PIK3C2G: variants seen among roughly 807,000 people sequenced by gnomAD.
PIK3C2G encodes phosphatidylinositol-4-phosphate 3-kinase catalytic subunit type 2 gamma.
PIK3C2G carries 168 observed loss-of-function variants against 181.1 expected under a neutral mutation model. The observed-to-expected ratio is 0.93, with a 90% CI of 0.82 to 1.05. The LOEUF (loss-of-function observed/expected upper bound fraction) is 1.05, where lower values mean the gene tolerates loss of function less well. Ranked by LOEUF, PIK3C2G falls within the 50% of genes least tolerant of loss-of-function variation. The probability of loss-of-function intolerance (pLI) is 0.00; values close to 1 mark genes in which losing one functional copy is unlikely to be tolerated. For synonymous variants in PIK3C2G, 573 were observed against 592.2 expected (o/e 0.97, Z 0.47); for missense variants, 1,869 against 1,732.8 (o/e 1.08, Z -1.40).
chr12:18,342,065 C>A (rs867910660), intron 9 of PIK3C2G, among the ~76,000 whole-genome samples: 1 of 152,170 alleles, frequency 6.6e-6, no homozygotes, highest in South Asian at 2.1e-4. Context: ...AGGCGAACCA[C>A]GAAGTGAAAA....
At chr12:18,724,814 G>A in the PIK3C2G span, among the ~76,000 whole-genome samples, 15 of 152,044 alleles carry the variant, frequency 9.9e-5, no homozygotes, top group Admixed American at 2.6e-4. Flanking sequence ...AAATGTGCCC[G>A]TAATCCCTGA....
intron 31 of PIK3C2G, among the ~76,000 whole-genome samples, chr12:18,636,935 T>C (rs184870973): frequency 5.9e-4 from 90 of 152,314 alleles, no homozygotes; most frequent in African/African-American, 2.1e-3. Context: ...GAGGGCTCTG[T>C]GAGCTGCTAT....
chr12:18,346,789 C>A lies in PIK3C2G; in HGVS notation c.1578C>A (p.Ser526Arg). Residue 526 changes from serine to arginine, a missense_variant, in exon 11 of 33, where the codon AGC (serine) becomes AGA (arginine). Physicochemically the swap from Ser to Arg is moderately radical, Grantham distance 110. Coordinates refer to ENST00000538779, the MANE Select transcript of PIK3C2G (RefSeq NM_001288772.2). Reference sequence around the variant, plus strand: ...ATCCCGGGCTTCCTTCCCACCTCAGCTTCACAGTGTATGCAGCACACAACA... The same window carrying A: ...ATCCCGGGCTTCCTTCCCACCTCAGATTCACAGTGTATGCAGCACACAACA... ...YLNPGLPSHL[S>R]FTVYAAHNIP... 6.2e-7 allele frequency: 1 copy of A among 1,613,680 alleles called. No individual in the cohort carries two copies. The highest frequency in any genetic ancestry group is 1.3e-5 in the African/African-American group (1 of 75,038).
the PIK3C2G span, chr12:18,696,104 A>T: frequency 9.5e-7 from 1 of 1,050,750 alleles, no homozygotes; most frequent in Non-Finnish European, 1.4e-6. Flanking sequence ...AAATGAATTC[A>T]TTTTATGTTA....
chr12:18,542,794 T>C (rs1226601820), intron 25 of PIK3C2G, among the ~76,000 whole-genome samples: 1 of 152,010 alleles, frequency 6.6e-6, no homozygotes, highest in African/African-American at 2.4e-5. Flanking sequence ...CACATTTTCT[T>C]AATCCAATCT....
intron 26 of PIK3C2G, among the ~76,000 whole-genome samples, chr12:18,549,657 G>A (rs919458650): frequency 3.3e-5 from 5 of 151,944 alleles, no homozygotes; most frequent in African/African-American, 9.7e-5. Context: ...CAGAGCCTGC[G>A]TTGGCTGAAG....
At chr12:18,420,679 A>G (rs1157087836) in intron 16 of PIK3C2G, among the ~76,000 whole-genome samples, 1 of 152,114 alleles carries the variant, frequency 6.6e-6, no homozygotes, top group East Asian at 1.9e-4. Flanking sequence ...TCCACATTTT[A>G]TAGATAAGAA....
the PIK3C2G span, among the ~76,000 whole-genome samples, chr12:18,680,657 G>T: frequency 6.6e-6 from 1 of 152,040 alleles, no homozygotes; most frequent in African/African-American, 2.4e-5. Flanking sequence ...GATAATGGAA[G>T]AAGTCAGAAT....
chr12:18,297,194 C>T (rs1021044416), intron 5 of PIK3C2G, among the ~76,000 whole-genome samples: 5 of 152,028 alleles, frequency 3.3e-5, no homozygotes, highest in African/African-American at 9.7e-5. Flanking sequence ...GTACCTTCAC[C>T]TATACTTGTA....
intron 28 of PIK3C2G, among the ~76,000 whole-genome samples, chr12:18,564,511 T>G (rs1035553807): frequency 6.6e-6 from 1 of 151,586 alleles, no homozygotes; most frequent in Non-Finnish European, 1.5e-5. Context: ...TAGGGAGATA[T>G]TGCACAATAT....
intron 1 of PIK3C2G, among the ~76,000 whole-genome samples, chr12:18,272,827 T>C (rs1948799972): frequency 1.3e-5 from 2 of 152,178 alleles, no homozygotes; most frequent in African/African-American, 4.8e-5. Context: ...GTATACATTA[T>C]CTGCCCAAAC....
intron 11 of PIK3C2G, among the ~76,000 whole-genome samples, chr12:18,353,744 T>C (rs1395800638): frequency 6.6e-6 from 1 of 152,176 alleles, no homozygotes; most frequent in Non-Finnish European, 1.5e-5. Context: ...AAATTTATCC[T>C]TTATGTTTAG....
At chr12:18,333,440 C>T (rs1368780786) in intron 8 of PIK3C2G, among the ~76,000 whole-genome samples, 1 of 152,038 alleles carries the variant, frequency 6.6e-6, no homozygotes, top group Non-Finnish European at 1.5e-5. Flanking sequence ...CTCCTCTAAC[C>T]CCCCACCCAC....
At chr12:18,640,754 CT>C (rs1949801461) in intron 32 of PIK3C2G, among the ~76,000 whole-genome samples, 200 bp downstream of exon 32, 2 of 152,132 alleles carry the variant, frequency 1.3e-5, no homozygotes, top group African/African-American at 4.8e-5. Flanking sequence ...TTTCAAAGCT[CT>C]TATAAACCAA....
intron 14 of PIK3C2G, among the ~76,000 whole-genome samples, chr12:18,390,199 C>A (rs1943449406): frequency 6.6e-6 from 1 of 152,074 alleles, no homozygotes; most frequent in South Asian, 2.1e-4. Flanking sequence ...AAAACTTTTT[C>A]AAATAAATAA....
chr12:18,398,411 A>C (rs1189436264), intron 15 of PIK3C2G, among the ~76,000 whole-genome samples: 1 of 152,190 alleles, frequency 6.6e-6, no homozygotes, highest in Non-Finnish European at 1.5e-5. Context: ...CTTCAAAATC[A>C]CCTATAATCC....
At chr12:18,578,408 C>T (rs192812493) in intron 29 of PIK3C2G, among the ~76,000 whole-genome samples, 41 of 152,038 alleles carry the variant, frequency 2.7e-4, no homozygotes, top group African/African-American at 9.4e-4. Flanking sequence ...TCAGATGTTG[C>T]TCAGCATTAA....
chr12:18,603,299 A>G (rs1005562450), intron 30 of PIK3C2G, among the ~76,000 whole-genome samples: 46 of 152,174 alleles, frequency 3.0e-4, no homozygotes, highest in African/African-American at 1.1e-3. Context: ...AGGTCTTTGA[A>G]TTAACCTTGT....
chr12:18,586,589 A>G (rs1946792967), intron 29 of PIK3C2G, among the ~76,000 whole-genome samples: 1 of 152,118 alleles, frequency 6.6e-6, no homozygotes, highest in African/African-American at 2.4e-5. Flanking sequence ...TAACCTAGTA[A>G]CCAAAAAAAG....
Sources: allele counts gnomAD v4.1 joint callset (sites outside exome capture counted in the v4.1 genomes callset), GRCh38; gene constraint gnomAD v4.1.1; transcripts MANE v1.5; gene names NCBI Gene and HGNC (gene_info 2026-07-23, HGNC 2026-07-21).